B3GNT3: variants seen among roughly 807,000 people sequenced by gnomAD.
The protein encoded by B3GNT3 is N-acetyllactosaminide beta-1,3-N-acetylglucosaminyltransferase 3.
Under a neutral mutation model 11.6 loss-of-function variants are expected in B3GNT3, and 7 were observed. That is an observed-to-expected ratio of 0.60 (90% CI 0.34 to 1.13). B3GNT3 has a LOEUF of 1.13. Ranked by LOEUF, B3GNT3 falls within the 50% of genes most tolerant of loss-of-function variation. B3GNT3 has a pLI of 0.03. For missense variants in B3GNT3, 400 were observed against 507.4 expected (o/e 0.79, Z 2.03); for synonymous variants, 201 against 222.1 (o/e 0.90, Z 0.85).
intron 1 of B3GNT3, among the ~76,000 whole-genome samples, chr19:17,800,036 C>T (rs1262815533): frequency 1.3e-5 from 2 of 152,062 alleles, no homozygotes; most frequent in African/African-American, 4.8e-5. Flanking sequence ...CAGCAGGGTC[C>T]TTGATGACTT....
chr19:17,807,574 TG>T (rs1212716874), intron 1 of B3GNT3, among the ~76,000 whole-genome samples, 183 bp from the exon 2 acceptor site: 6 of 151,484 alleles, frequency 4.0e-5, no homozygotes, highest in African/African-American at 1.5e-4. Flanking sequence ...CCAGGGCACC[TG>T]TCAGAGCCAA....
At chr19:17,796,093 G>A (rs2094159223) in intron 1 of B3GNT3, among the ~76,000 whole-genome samples, 1 of 152,052 alleles carries the variant, frequency 6.6e-6, no homozygotes, top group African/African-American at 2.4e-5. Context: ...TTGTTTGTTT[G>A]TTTTATTTGT....
intron 1 of B3GNT3, among the ~76,000 whole-genome samples, chr19:17,803,753 A>C (rs1344385948): frequency 6.6e-6 from 1 of 152,012 alleles, no homozygotes; most frequent in Non-Finnish European, 1.5e-5. Context: ...CAAGAGGCTA[A>C]GGCAGGAGGA....
Position 17,805,106 on chromosome 19 carries a change from A to ATTTT in B3GNT3, c.-50-2638_-50-2635dup, listed in dbSNP as rs60752281. ...CCCTAATCCCTTAGTGACCACAGGG[A>ATTTT]TTTTTTTTTTTTTTTTTAATGACAG... On this transcript the variant is annotated intron_variant, in intron 1 of 2. Transcript: ENST00000318683. 7.9e-3 allele frequency among the ~76,000 whole-genome samples: 1,049 copies of ATTTT among 132,040 alleles called. 19 individuals are homozygous for ATTTT. The highest frequency in any genetic ancestry group is 0.026 in the African/African-American group (909 of 35,368). 86.6% of individuals were successfully genotyped at this position (132,040 alleles called of 152,430 possible).
intron 1 of B3GNT3, among the ~76,000 whole-genome samples, chr19:17,796,262 A>T (rs936232972): frequency 2.6e-5 from 4 of 151,862 alleles, no homozygotes; most frequent in Non-Finnish European, 5.9e-5. Flanking sequence ...TAATTTTAAA[A>T]TTTTTTTGTG....
At chr19:17,797,400 C>T (rs2094160644) in intron 1 of B3GNT3, among the ~76,000 whole-genome samples, 1 of 152,152 alleles carries the variant, frequency 6.6e-6, no homozygotes, top group Admixed American at 6.5e-5. Flanking sequence ...GTTCCCCCAT[C>T]ACTCCTGGAT....
In B3GNT3 at chr19:17,808,105, C is replaced by A; in HGVS notation, c.298C>A (p.Pro100Thr). 1.2e-6 allele frequency: 2 copies of A among 1,613,916 alleles called. No individual in the cohort carries two copies. The highest frequency in any genetic ancestry group is 1.7e-6 in the Non-Finnish European group (2 of 1,179,936). The change falls in exon 2 of 3, where the codon CCC becomes ACC. Residue 100 changes from proline to threonine, a missense_variant. Transcript: ENST00000318683. ...RHFPLLQDVPPSKCAQPVFLL... is the reference protein window; with the variant it reads ...RHFPLLQDVPTSKCAQPVFLL... ...CTTTCCCCTGCTGCAGGACGTGCCC[C>A]CCTCTAAGTGCGCGCAGCCGGTCTT...
In B3GNT3 at chr19:17,807,996, C is replaced by G. The variant is rs772790702; in HGVS notation, c.189C>G (p.Ala63=). The change falls in exon 2 of 3, where the codon GCC becomes GCG. Residue 63 remains alanine (A), a synonymous_variant. Transcript: ENST00000318683. ...PTRPAPAPCH[A]NTSMVTHPDF... ...GCCCAGCCCCGGCCCCGTGCCATGC[C>G]AACACCTCTATGGTCACCCACCCGG... 1.2e-6 allele frequency: 2 copies of G among 1,610,964 alleles called. No individual in the cohort carries two copies. The highest frequency in any genetic ancestry group is 2.2e-5 in the South Asian group (2 of 90,798).
intron 1 of B3GNT3, among the ~76,000 whole-genome samples, chr19:17,805,557 C>G (rs772679577): frequency 6.6e-6 from 1 of 152,176 alleles, no homozygotes; most frequent in Admixed American, 6.6e-5. Context: ...TCCACCATCA[C>G]CTCCTTTCTC....
chr19:17,811,431 C>A lies in B3GNT3; in HGVS notation c.568-140C>A, dbSNP rs2094180515. On this transcript the variant is annotated intron_variant, in intron 2 of 2. Coordinates refer to ENST00000318683, the MANE Select transcript of B3GNT3 (RefSeq NM_014256.4). This position sits in a 1 kb window ranked among gnomAD's most constrained non-coding sequence, Gnocchi z 4.1. ...GGCACAGAGAGGGTTTCCCAAGTAA[C>A]CCCACAGGGCAGGGCCTTAACCCAG... 1 of 827,248 alleles carries A rather than the reference C, an allele frequency of 1.2e-6. No individual in the cohort carries two copies. The highest frequency in any genetic ancestry group is 1.8e-6 in the Non-Finnish European group (1 of 545,424). The allele number at this position is 827,248 out of a possible 1,614,324, so 51.2% of individuals were successfully genotyped here.
intron 1 of B3GNT3, among the ~76,000 whole-genome samples, chr19:17,805,239 A>G (rs948044767): frequency 3.3e-5 from 5 of 151,410 alleles, no homozygotes; most frequent in Admixed American, 6.6e-5. Flanking sequence ...AGCTAGGACT[A>G]CAAGTATGCA....
At position 17,808,009 on chromosome 19, in the gene B3GNT3, G is replaced by T; in HGVS notation, c.202G>T (p.Val68Phe). ...CCCGTGCCATGCCAACACCTCTATG[G>T]TCACCCACCCGGACTTCGCCACGCA... ...PAPCHANTSM[V>F]THPDFATQPQ... Residue 68 changes from valine (V) to phenylalanine (F), a missense_variant, in exon 2 of 3, where the codon GTC (valine) becomes TTC (phenylalanine). By Grantham distance (50) the Val-to-Phe change is conservative. Coordinates refer to ENST00000318683, the MANE Select transcript of B3GNT3 (RefSeq NM_014256.4). The T allele has an allele frequency of 6.4e-7, 1 of 1,563,180 alleles. No individual in the cohort carries two copies. The highest frequency in any genetic ancestry group is 8.7e-7 in the Non-Finnish European group (1 of 1,149,030).
chr19:17,812,010 T>G lies in B3GNT3; in HGVS notation c.1007T>G (p.Phe336Cys). ...CGCCTGTCCTCCTTTGACCCCTGCT[T>G]CTACCGAGACCTGCTGCTGGTGCAC... ...SQRLSSFDPC[F>C]YRDLLLVHRF... is the part of the protein sequence containing the mutation. The change falls in exon 3 of 3, where the codon TTC becomes TGC. Residue 336 changes from phenylalanine (F) to cysteine (C), a missense_variant. By Grantham distance (205) the Phe-to-Cys change is radical. Coordinates refer to ENST00000318683, the MANE Select transcript of B3GNT3 (RefSeq NM_014256.4). 4.4e-6 allele frequency: 7 copies of G among 1,600,842 alleles called. No individual in the cohort carries two copies. Among genetic ancestry groups the G allele is most frequent in the Non-Finnish European group, 5.9e-6 (7 of 1,179,928 alleles).
rs1215781416 is a variant in B3GNT3, at chr19:17,808,157, C to T, written c.350C>T (p.Pro117Leu). 1.2e-6 allele frequency: 2 copies of T among 1,612,506 alleles called. No individual in the cohort carries two copies. The highest frequency in any genetic ancestry group is 1.7e-6 in the Non-Finnish European group (2 of 1,179,058). ...CTGCTGCTGGTGATCAAGTCCTCCC[C>T]TAGCAACTATGTGCGCCGCGAGCTG... ...VFLLLVIKSSPSNYVRRELLR... is the reference protein window; with the variant it reads ...VFLLLVIKSSLSNYVRRELLR... Residue 117 changes from proline to leucine, a missense_variant, in exon 2 of 3, where the codon CCT becomes CTT. By Grantham distance (98) the Pro-to-Leu change is moderately conservative (BLOSUM62 -3). Transcript: ENST00000318683.
At chr19:17,802,666 T>C (rs2094167735) in intron 1 of B3GNT3, among the ~76,000 whole-genome samples, 1 of 152,008 alleles carries the variant, frequency 6.6e-6, no homozygotes, top group Admixed American at 6.6e-5. Context: ...GCAAAGGCCC[T>C]GAGGCAGGGC....
Position 17,812,051 on chromosome 19 carries a change from G to A in B3GNT3, c.1048G>A (p.Glu350Lys). The A allele has an allele frequency of 6.3e-7, 1 of 1,599,204 alleles. No individual in the cohort carries two copies. Among genetic ancestry groups the A allele is most frequent in the Non-Finnish European group, 8.5e-7 (1 of 1,179,922 alleles). Residue 350 changes from glutamate to lysine, a missense_variant, in exon 3 of 3, where the codon GAG becomes AAG. Transcript: ENST00000318683. ...LLLVHRFLPY[E>K]MLLMWDALNQ... Reference sequence around the variant, plus strand: ...GCTGGTGCACCGCTTCCTACCTTATGAGATGCTGCTCATGTGGGATGCGCT... The same window carrying A: ...GCTGGTGCACCGCTTCCTACCTTATAAGATGCTGCTCATGTGGGATGCGCT...
At chr19:17,803,556 C>T (rs528078041) in intron 1 of B3GNT3, among the ~76,000 whole-genome samples, 9 of 152,262 alleles carry the variant, frequency 5.9e-5, no homozygotes, top group African/African-American at 1.7e-4. Flanking sequence ...GGCGGCCAGG[C>T]GAGGGTCCCC....
In B3GNT3 at chr19:17,812,268, G is replaced by A; in HGVS notation, c.*146G>A. 1 of 890,744 alleles carries A rather than the reference G, an allele frequency of 1.1e-6. No homozygotes were observed. The highest frequency in any genetic ancestry group is 1.8e-5 in the South Asian group (1 of 55,320). 55.2% of individuals were successfully genotyped at this position (890,744 alleles called of 1,614,324 possible). On this transcript the variant is annotated 3_prime_UTR_variant, in exon 3 of 3. Transcript: ENST00000318683. The stretch of plus-strand genomic sequence containing the variant: ...GTTTGATGAGTGAATATTCTGGCTG[G>A]CGAACTCCTACACATCCTTCAAAAC...
intron 1 of B3GNT3, among the ~76,000 whole-genome samples, chr19:17,796,169 C>A (rs916994880): frequency 6.6e-6 from 1 of 152,170 alleles, no homozygotes; most frequent in African/African-American, 2.4e-5. Context: ...GTATTCACTG[C>A]AGCCTCAACC....
Sources: gnomAD v4.1 joint callset for allele counts (sites outside exome capture counted in the v4.1 genomes callset) on GRCh38, gnomAD v4.1.1 for gene constraint, Gnocchi (gnomAD v3.1) non-coding constraint, MANE v1.5 for transcripts, NCBI Gene and HGNC (gene_info 2026-07-23, HGNC 2026-07-21) for gene names.